KMT2A: variants seen among roughly 807,000 people sequenced by gnomAD.
KMT2A encodes histone-lysine N-methyltransferase 2A.
Under a neutral mutation model 345.3 loss-of-function variants are expected in KMT2A, and 16 were observed. The observed-to-expected ratio is 0.05, with a 90% CI of 0.03 to 0.07. KMT2A has a LOEUF of 0.07. KMT2A is among the 10% of genes least tolerant of loss of function. The probability of loss-of-function intolerance (pLI) is 1.00; values close to 1 mark genes in which losing one functional copy is unlikely to be tolerated. For synonymous variants in KMT2A, 1,599 were observed against 1,778.6 expected (o/e 0.90, Z 2.54); for missense variants, 3,272 against 4,841.6 (o/e 0.68, Z 9.62).
In KMT2A at chr11:118,503,283, A is replaced by T. The variant is rs1298060120; in HGVS notation, c.7391A>T (p.Lys2464Met). The T allele has an allele frequency of 6.2e-7, 1 of 1,614,044 alleles. No homozygotes were observed. The highest frequency in any genetic ancestry group is 2.2e-5 in the East Asian group (1 of 44,886). ...QVTTGEEGNL[K>M]PEFMDEVLTP... ...ACAACTGGTGAGGAAGGAAACTTGA[A>T]GCCAGAGTTTATGGATGAGGTTTTG... Residue 2464 changes from lysine (K) to methionine (M), a missense_variant, in exon 27 of 36, where the codon AAG becomes ATG. Lys to Met is a moderately conservative substitution (Grantham distance 95). Transcript: ENST00000534358. This position sits in a 1 kb window ranked among gnomAD's most constrained non-coding sequence, Gnocchi z 5.3.
chr11:118,444,489 A>G (rs1949377010), intron 1 of KMT2A, among the ~76,000 whole-genome samples: 1 of 152,230 alleles, frequency 6.6e-6, no homozygotes, highest in African/African-American at 2.4e-5. Flanking sequence ...TAGCATAGTA[A>G]TTAAGAGTTG....
Position 118,507,541 on chromosome 11 carries a change from AGAGGCT to A in KMT2A, c.10771_10776del (p.Ala3591_Glu3592del). 1 of 1,614,184 alleles carries A rather than the reference AGAGGCT, an allele frequency of 6.2e-7. No individual in the cohort carries two copies. Among genetic ancestry groups the A allele is most frequent in the Middle Eastern group, 1.6e-4 (1 of 6,062 alleles). On this transcript the variant is annotated inframe_deletion, in exon 28 of 36. Transcript: ENST00000534358. ...GCCTGTGTTCCAGGACTCCAGGAGC[AGAGGCT>A]GAGCAGCAGGATACAGCTAGCGTGG...
chr11:118,456,031 G>T (rs1251193564), intron 1 of KMT2A, among the ~76,000 whole-genome samples: 2 of 151,804 alleles, frequency 1.3e-5, no homozygotes, highest in African/African-American at 4.8e-5. Flanking sequence ...TTTTAGACAA[G>T]TCATCTCCCT....
intron 27 of KMT2A, 108 bp downstream of exon 27, chr11:118,506,754 T>A: frequency 2.5e-6 from 3 of 1,209,114 alleles, no homozygotes; most frequent in Non-Finnish European, 2.3e-6. Context: ...TCAAGTTGCA[T>A]TACCTGGGAG....
chr11:118,511,749 C>T (rs886349814), intron 30 of KMT2A, among the ~76,000 whole-genome samples: 1 of 152,138 alleles, frequency 6.6e-6, no homozygotes, highest in African/African-American at 2.4e-5. Context: ...CAGAAAGAAG[C>T]CCTGCTGGGG....
chr11:118,465,874 T>G (rs985611007), intron 1 of KMT2A, among the ~76,000 whole-genome samples: 3 of 152,170 alleles, frequency 2.0e-5, no homozygotes, highest in Admixed American at 6.5e-5. Flanking sequence ...TGATAAGATT[T>G]TATATTAATT....
chr11:118,438,079 A>G (rs1949234602), intron 1 of KMT2A, among the ~76,000 whole-genome samples: 1 of 152,094 alleles, frequency 6.6e-6, no homozygotes, highest in South Asian at 2.1e-4. Flanking sequence ...GGGGCTTGGA[A>G]GGGGTGGGGG....
chr11:118,471,443 A>G (rs901812868), intron 2 of KMT2A, among the ~76,000 whole-genome samples: 4 of 152,244 alleles, frequency 2.6e-5, no homozygotes, highest in South Asian at 4.1e-4. Flanking sequence ...GTATCAAAAA[A>G]GTAATTAAAT....
rs1399047910 is a variant in KMT2A at position 118,468,777 on chromosome 11, T to A, written c.435T>A (p.Asp145Glu). 8 of 1,612,256 alleles carry A rather than the reference T, an allele frequency of 5.0e-6. No individual in the cohort carries two copies. The highest frequency in any genetic ancestry group is 5.9e-6 in the Non-Finnish European group (7 of 1,178,664). ...AAAATAATTTTCCTTTGTTGTAGGA[T>A]GAGCAATTCTTAGGTTTTGGCTCAG... ...ESGGGGGSGE[D>E]EQFLGFGSDE... Residue 145 changes from aspartate to glutamate, a missense_variant and splice_region_variant, in exon 2 of 36, where the codon GAT becomes GAA. By Grantham distance (45) the Asp-to-Glu change is conservative. This residue lies in a region of KMT2A where 412 missense variants were observed against 511.0 expected (regional missense o/e 0.81). Transcript: ENST00000534358.
chr11:118,459,672 T>G (rs782395671), intron 1 of KMT2A, among the ~76,000 whole-genome samples: 1 of 149,200 alleles, frequency 6.7e-6, no homozygotes, highest in Non-Finnish European at 1.5e-5. Flanking sequence ...TGAAAATAAT[T>G]TTTTTTTTTT....
At chr11:118,463,075 A>G (rs781829726) in intron 1 of KMT2A, among the ~76,000 whole-genome samples, 15 of 152,076 alleles carry the variant, frequency 9.9e-5, no homozygotes, top group Non-Finnish European at 1.9e-4. Flanking sequence ...ATGACTCATT[A>G]GGTTGTTAAT....
Position 118,472,275 on chromosome 11 carries a change from T to A in KMT2A, c.1116T>A (p.Ala372=). 1 of 1,614,094 alleles carries A rather than the reference T, an allele frequency of 6.2e-7. No homozygotes were observed. Among genetic ancestry groups the A allele is most frequent in the Non-Finnish European group, 8.5e-7 (1 of 1,180,026 alleles). Residue 372 remains alanine (A), a synonymous_variant, in exon 3 of 36, where the codon GCT becomes GCA. Coordinates refer to ENST00000534358, the MANE Select transcript of KMT2A (RefSeq NM_001197104.2). ...PSSKRTDATI[A]KQLLQRAKKG... ...CAAAAAGGACAGATGCAACCATTGCTAAGCAACTCTTACAGAGGGCAAAAA... is the reference window on the plus strand; with the variant it reads ...CAAAAAGGACAGATGCAACCATTGCAAAGCAACTCTTACAGAGGGCAAAAA...
rs1374189414 is a variant in KMT2A, at chr11:118,497,487, C to T, written c.5665-449C>T. Among the ~76,000 whole-genome samples, 8 of 152,250 alleles carry T rather than the reference C, an allele frequency of 5.3e-5. No individual in the cohort carries two copies. The highest frequency in any genetic ancestry group is 1.4e-4 in the African/African-American group (6 of 41,544). The stretch of plus-strand genomic sequence containing the variant: ...TTTGGCTCACTGCAATCTCGGCTTC[C>T]GGGGCTCAAGTGATCCTCCTACCTC... On this transcript the variant is annotated intron_variant, in intron 20 of 35. Coordinates refer to ENST00000534358, the MANE Select transcript of KMT2A (RefSeq NM_001197104.2). The surrounding 1 kb of genome is among the most constrained non-coding windows in gnomAD (Gnocchi z 4.8).
intron 1 of KMT2A, among the ~76,000 whole-genome samples, chr11:118,455,002 C>T (rs76661490): frequency 2.0e-5 from 3 of 152,086 alleles, no homozygotes; most frequent in Admixed American, 6.5e-5. Flanking sequence ...CTCCACCCCC[C>T]ACTCCTGTCA....
chr11:118,438,927 C>T (rs1949257137), intron 1 of KMT2A: 3 of 412,764 alleles, frequency 7.3e-6, no homozygotes, highest in Non-Finnish European at 1.5e-5. Context: ...TCCCAGCCTT[C>T]AGAAGGCAGC....
At chr11:118,438,526 G>A (rs1270035196) in intron 1 of KMT2A, among the ~76,000 whole-genome samples, 1 of 152,006 alleles carries the variant, frequency 6.6e-6, no homozygotes, top group Non-Finnish European at 1.5e-5. Context: ...TTGCTGCTCT[G>A]GAGTGCTCTT....
In KMT2A at chr11:118,520,667, C is replaced by T. The variant is rs774415018; in HGVS notation, c.11430-135C>T. 5.1e-5 allele frequency: 33 copies of T among 643,736 alleles called. No individual in the cohort carries two copies. The East Asian group carries it at 8.0e-4, about 16-fold the overall frequency. 39.9% of individuals were successfully genotyped at this position (643,736 alleles called of 1,614,324 possible). ...CTCCATCTCAAAAAAAAAAGGGGGGCGCTCATTTTATAAGGCACTCGTTCA... is the reference window on the plus strand; with the variant it reads ...CTCCATCTCAAAAAAAAAAGGGGGGTGCTCATTTTATAAGGCACTCGTTCA... On this transcript the variant is annotated intron_variant, in intron 33 of 35. Coordinates refer to ENST00000534358, the MANE Select transcript of KMT2A (RefSeq NM_001197104.2). The surrounding 1 kb of genome is among the most constrained non-coding windows in gnomAD (Gnocchi z 4.3).
rs1555042289 is a variant in KMT2A at position 118,491,055 on chromosome 11, A to G, written c.4697-141A>G. On this transcript the variant is annotated intron_variant, in intron 13 of 35. Transcript: ENST00000534358. The surrounding 1 kb of genome is among the most constrained non-coding windows in gnomAD (Gnocchi z 4.2). ...TAATCTTGAGACTGCAGATGTGTGA[A>G]CATTCCACAGTAGATCCATGCTGGT... is the stretch of plus-strand genomic sequence containing the variant. The G allele has an allele frequency of 2.7e-6, 2 of 732,338 alleles. No homozygotes were observed. Among genetic ancestry groups the G allele is most frequent in the African/African-American group, 3.7e-5 (2 of 54,762 alleles). The allele number at this position is 732,338 out of a possible 1,614,324, so 45.4% of individuals were successfully genotyped here.
chr11:118,498,097 A>T lies in KMT2A; in HGVS notation c.5802+24A>T, dbSNP rs1267698233. The T allele has an allele frequency of 2.2e-5, 36 of 1,607,632 alleles. No individual in the cohort carries two copies. Among genetic ancestry groups the T allele is most frequent in the Non-Finnish European group, 3.0e-5 (35 of 1,176,548 alleles). On this transcript the variant is annotated intron_variant, in intron 21 of 35. Transcript: ENST00000534358. This position sits in a 1 kb window ranked among gnomAD's most constrained non-coding sequence, Gnocchi z 4.4. ...TGGTAAGACCTTATGGGTAAATTTTATGAAAGAGATTCCCTCTCAGTTTCC... is the reference window on the plus strand; with the variant it reads ...TGGTAAGACCTTATGGGTAAATTTTTTGAAAGAGATTCCCTCTCAGTTTCC...
Sources: gnomAD v4.1 joint callset for allele counts (sites outside exome capture counted in the v4.1 genomes callset) on GRCh38, gnomAD v4.1.1 for gene constraint, gnomAD v4.1.1 regional missense constraint, Gnocchi (gnomAD v3.1) non-coding constraint, MANE v1.5 for transcripts, NCBI Gene and HGNC (gene_info 2026-07-23, HGNC 2026-07-21) for gene names.